Variants in NRXN3 observed in about 807,000 individuals in gnomAD.
NRXN3 encodes neurexin 3.
A neutral mutation model predicts 137.6 loss-of-function variants in NRXN3; 32 were observed. That is an observed-to-expected ratio of 0.23 (90% confidence interval 0.18 to 0.31). NRXN3 has a LOEUF of 0.31. Among genes scored for constraint, NRXN3 ranks in the 10% least tolerant of loss-of-function variants. The pLI is 1.00. For missense variants in NRXN3, 1,574 were observed against 2,062.5 expected, an observed-to-expected ratio of 0.76 and a Z score of 4.59; for synonymous variants, 798 against 784.5, an observed-to-expected ratio of 1.02 and a Z score of -0.29.
intron 17 of NRXN3, among the ~76,000 whole-genome samples, chr14:79,680,747 T>C (rs1327025200): frequency 6.6e-6 from 1 of 152,160 alleles, no homozygotes; most frequent in Non-Finnish European, 1.5e-5. Flanking sequence ...AAAAAATTCA[T>C]TGATGGGGTG....
intron 15 of NRXN3, among the ~76,000 whole-genome samples, chr14:79,243,701 A>G (rs1229565848): frequency 6.6e-6 from 1 of 152,144 alleles, no homozygotes; most frequent in Non-Finnish European, 1.5e-5. Flanking sequence ...ACTGTACTGA[A>G]TATTGGAGGC....
intron 19 of NRXN3, among the ~76,000 whole-genome samples, chr14:79,700,377 T>C (rs1381806489): frequency 6.6e-6 from 1 of 152,076 alleles, no homozygotes; most frequent in Non-Finnish European, 1.5e-5. Context: ...CATTATTCAC[T>C]TTTTTATCTA....
At chr14:78,464,748 C>G (rs945151696) in intron 4 of NRXN3, among the ~76,000 whole-genome samples, 1 of 152,104 alleles carries the variant, frequency 6.6e-6, no homozygotes, top group South Asian at 2.1e-4. Context: ...ATTCTTGGCT[C>G]TTCTGTTTAC....
intron 15 of NRXN3, among the ~76,000 whole-genome samples, chr14:79,392,668 G>A (rs185956640): frequency 6.8e-4 from 104 of 152,180 alleles, no homozygotes; most frequent in Non-Finnish European, 1.3e-3. Context: ...TTAGGATGGG[G>A]ATCATTAAAA....
chr14:79,587,504 T>C (rs17109522), intron 16 of NRXN3, among the ~76,000 whole-genome samples: 19,555 of 152,218 alleles, frequency 0.13, 1,412 homozygotes, highest in South Asian at 0.23. Flanking sequence ...TAAAGTTAGA[T>C]GGCAAATATA....
At chr14:78,784,439 A>G (rs951694758) in intron 8 of NRXN3, among the ~76,000 whole-genome samples, 10 of 152,236 alleles carry the variant, frequency 6.6e-5, no homozygotes, top group Non-Finnish European at 1.2e-4. Flanking sequence ...CTAAGTCCAA[A>G]CTGGCACACT....
At chr14:79,779,355 C>T (rs1211493206) in intron 19 of NRXN3, among the ~76,000 whole-genome samples, 6 of 152,068 alleles carry the variant, frequency 3.9e-5, no homozygotes, top group East Asian at 1.9e-4. Context: ...TCAGGTGATC[C>T]GCCCACCTCG....
intron 15 of NRXN3, among the ~76,000 whole-genome samples, chr14:79,318,647 C>T (rs916482449): frequency 2.0e-5 from 3 of 152,066 alleles, no homozygotes; most frequent in African/African-American, 7.2e-5. Context: ...TGGGAGTGTT[C>T]CTTTACGTGA....
intron 3 of NRXN3, among the ~76,000 whole-genome samples, chr14:78,286,928 A>T (rs2075245311): frequency 2.0e-5 from 3 of 152,182 alleles, no homozygotes; most frequent in Admixed American, 6.5e-5. Flanking sequence ...GTGCAAAGTT[A>T]ACTTGCTCAG....
In NRXN3 at chr14:79,675,784, A is replaced by G. The variant is rs528518893; in HGVS notation, c.3616+11835A>G. Among the ~76,000 whole-genome samples, 4 of 152,226 alleles carry G rather than the reference A, an allele frequency of 2.6e-5. No homozygotes were observed. The South Asian group carries it at 8.3e-4, about 32-fold the overall frequency. On this transcript the variant is annotated intron_variant, in intron 17 of 20. Transcript: ENST00000335750. ...ATTTTTTTAATTCAACACCAAAGAC[A>G]GACACAGATTCCATTCTAGAGCAAG...
At chr14:78,173,766 C>A (rs12885580) in intron 1 of NRXN3, among the ~76,000 whole-genome samples, 1 of 131,350 alleles carries the variant, frequency 7.6e-6, no homozygotes, top group African/African-American at 3.0e-5. Flanking sequence ...ACATGCCACA[C>A]GGATGCAGCC....
intron 17 of NRXN3, among the ~76,000 whole-genome samples, chr14:79,687,727 A>C (rs1208969179): frequency 1.9e-4 from 29 of 152,188 alleles, no homozygotes; most frequent in Admixed American, 1.9e-3. Flanking sequence ...TACCTGCAAG[A>C]AAGTGCTTTC....
intron 4 of NRXN3, among the ~76,000 whole-genome samples, chr14:78,481,901 C>T (rs1338716426): frequency 6.6e-6 from 1 of 152,074 alleles, no homozygotes; most frequent in Non-Finnish European, 1.5e-5. Context: ...TGAACTTCCC[C>T]TTATTTTTTA....
intron 15 of NRXN3, among the ~76,000 whole-genome samples, chr14:79,384,062 T>C (rs1175803348): frequency 6.6e-6 from 1 of 152,188 alleles, no homozygotes; most frequent in East Asian, 1.9e-4. Flanking sequence ...CAAATGTTTC[T>C]TAGAGGTTTT....
chr14:78,392,422 T>A (rs943655905), intron 4 of NRXN3, among the ~76,000 whole-genome samples: 6 of 152,190 alleles, frequency 3.9e-5, no homozygotes, highest in Non-Finnish European at 8.8e-5. Flanking sequence ...GTGATATTTC[T>A]TGAGAGAATG....
intron 1 of NRXN3, among the ~76,000 whole-genome samples, chr14:78,188,144 C>T (rs1044451393): frequency 1.3e-5 from 2 of 152,220 alleles, no homozygotes; most frequent in African/African-American, 2.4e-5. Flanking sequence ...GTGTTACATC[C>T]GGGACCAAAA....
chr14:78,374,840 A>G (rs10483899), intron 4 of NRXN3, among the ~76,000 whole-genome samples: 45,834 of 151,248 alleles, frequency 0.3, 8,404 homozygotes, highest in Admixed American at 0.41. Context: ...TTGTGCTACA[A>G]CTAGGATGTG....
At chr14:79,565,362 C>CACATATTGTGTGTATATATATACAT (rs1186066544) in intron 16 of NRXN3, among the ~76,000 whole-genome samples, 8 of 148,178 alleles carry the variant, frequency 5.4e-5, no homozygotes, top group African/African-American at 1.5e-4. Flanking sequence ...TATGTATACA[C>CACATATTGTGTGTATATATATACAT]ACACACATAT....
chr14:78,286,251 T>C (rs1429165282), intron 3 of NRXN3, among the ~76,000 whole-genome samples: 1 of 152,124 alleles, frequency 6.6e-6, no homozygotes, highest in Non-Finnish European at 1.5e-5. Flanking sequence ...AGCAGTGGCA[T>C]TTAGAAGGAA....
Sources: allele counts gnomAD v4.1 joint callset (sites outside exome capture counted in the v4.1 genomes callset), GRCh38; gene constraint gnomAD v4.1.1; transcripts MANE v1.5; gene names NCBI Gene and HGNC (gene_info 2026-07-23, HGNC 2026-07-21).